Variants in NEGR1 observed in about 807,000 individuals in gnomAD.
The protein encoded by NEGR1 is IgLON family member 4.
In NEGR1, 10 loss-of-function variants were observed where a neutral mutation model predicts 40.9. The observed-to-expected ratio is 0.24, with a 90% CI of 0.15 to 0.42. The LOEUF (loss-of-function observed/expected upper bound fraction) is 0.42. Ranked by LOEUF, NEGR1 falls within the 10% of genes least tolerant of loss-of-function variation. The pLI, the probability that NEGR1 is intolerant of heterozygous loss-of-function variation, is 1.00. For synonymous variants in NEGR1, 185 were observed against 166.8 expected, an observed-to-expected ratio of 1.11 and a Z score of -0.84; for missense variants, 352 against 438.9, an observed-to-expected ratio of 0.80 and a Z score of 1.77.
intron 1 of NEGR1, among the ~76,000 whole-genome samples, chr1:72,063,626 AG>A (rs1231812011): frequency 6.6e-6 from 1 of 151,948 alleles, no homozygotes; most frequent in Non-Finnish European, 1.5e-5. Flanking sequence ...TTTTATTTCC[AG>A]TACACTGTGC....
intron 1 of NEGR1, among the ~76,000 whole-genome samples, chr1:72,196,906 C>A (rs1653021123): frequency 1.3e-5 from 2 of 151,704 alleles, no homozygotes; most frequent in Admixed American, 6.6e-5. Context: ...TTTTAATAAC[C>A]ATTTTCTAAT....
intron 6 of NEGR1, among the ~76,000 whole-genome samples, chr1:71,524,478 T>G (rs535218074): frequency 6.6e-6 from 1 of 151,830 alleles, no homozygotes; most frequent in South Asian, 2.1e-4. Flanking sequence ...ACATTTACTA[T>G]AAAAGTCAAT....
At chr1:72,277,449 A>G (rs1656095277) in intron 1 of NEGR1, among the ~76,000 whole-genome samples, 1 of 152,174 alleles carries the variant, frequency 6.6e-6, no homozygotes, top group Non-Finnish European at 1.5e-5. Context: ...GATCTATACA[A>G]CTACATGGGC....
At chr1:71,965,678 G>C (rs1034184985) in intron 1 of NEGR1, among the ~76,000 whole-genome samples, 2 of 152,062 alleles carry the variant, frequency 1.3e-5, no homozygotes, top group South Asian at 4.1e-4. Flanking sequence ...GAATGTAATT[G>C]TTCACTTGTG....
At chr1:71,786,120 A>G (rs1037234434) in intron 2 of NEGR1, among the ~76,000 whole-genome samples, 3 of 152,182 alleles carry the variant, frequency 2.0e-5, no homozygotes, top group Non-Finnish European at 2.9e-5. Context: ...CAAATACATA[A>G]ACATTAAGGA....
At chr1:72,172,820 C>T (rs977676529) in intron 1 of NEGR1, among the ~76,000 whole-genome samples, 6 of 152,032 alleles carry the variant, frequency 3.9e-5, no homozygotes, top group Admixed American at 3.3e-4. Flanking sequence ...TTATTTGGCT[C>T]ATGACCCTTC....
chr1:72,208,190 C>G (rs1196727072), intron 1 of NEGR1, among the ~76,000 whole-genome samples: 1 of 151,576 alleles, frequency 6.6e-6, no homozygotes, highest in African/African-American at 2.4e-5. Context: ...ATTGTGCCTG[C>G]ATGCATGTGT....
At chr1:71,800,964 T>G (rs1169117657) in intron 2 of NEGR1, among the ~76,000 whole-genome samples, 1 of 152,150 alleles carries the variant, frequency 6.6e-6, no homozygotes, top group African/African-American at 2.4e-5. Context: ...ATCATATAAT[T>G]TTCTCTTGAT....
At chr1:72,282,236 T>C (rs1460164341) in intron 1 of NEGR1, 83 bp downstream of exon 1, 1 of 1,453,382 alleles carries the variant, frequency 6.9e-7, no homozygotes, top group East Asian at 2.3e-5. Flanking sequence ...TTATTGCTTG[T>C]GTTATAAAGA....
chr1:71,708,573 C>T (rs1241941117), intron 3 of NEGR1, among the ~76,000 whole-genome samples: 2 of 151,318 alleles, frequency 1.3e-5, no homozygotes, highest in East Asian at 2.0e-4. Flanking sequence ...AACAAATTAC[C>T]TGACTTCAAA....
intron 6 of NEGR1, among the ~76,000 whole-genome samples, chr1:71,580,269 G>A (rs2101504153): frequency 6.7e-6 from 1 of 150,140 alleles, no homozygotes; most frequent in Non-Finnish European, 1.5e-5. Flanking sequence ...AGAACACATG[G>A]ACACAGGAAG....
intron 6 of NEGR1, chr1:71,570,898 T>C (rs1441605380): frequency 6.6e-6 from 1 of 152,208 alleles, no homozygotes; most frequent in East Asian, 1.9e-4. Context: ...TGTGATTTTA[T>C]ATTTTTCAAT....
chr1:71,935,399 GAAT>G, intron 1 of NEGR1, 88 bp from the exon 2 acceptor site: 1 of 859,918 alleles, frequency 1.2e-6, no homozygotes. Flanking sequence ...TTCTTTTGCT[GAAT>G]AATAGCACAG....
At chr1:72,102,996 C>T (rs1003673810) in intron 1 of NEGR1, among the ~76,000 whole-genome samples, 2 of 152,014 alleles carry the variant, frequency 1.3e-5, no homozygotes, top group African/African-American at 4.8e-5. Flanking sequence ...TCATAAGCAA[C>T]CACCCTTATG....
intron 3 of NEGR1, among the ~76,000 whole-genome samples, chr1:71,756,791 T>C (rs1655757774): frequency 6.6e-6 from 1 of 151,666 alleles, no homozygotes; most frequent in Admixed American, 6.6e-5. Context: ...TCAGCACTGT[T>C]CAGAAACAAT....
intron 6 of NEGR1, among the ~76,000 whole-genome samples, chr1:71,563,126 T>A (rs1648513173): frequency 6.6e-6 from 1 of 151,994 alleles, no homozygotes; most frequent in African/African-American, 2.4e-5. Flanking sequence ...GTGGCATATA[T>A]TTGTTTGCTT....
chr1:71,759,838 G>A (rs540305047), intron 3 of NEGR1, among the ~76,000 whole-genome samples: 5 of 151,090 alleles, frequency 3.3e-5, no homozygotes, highest in African/African-American at 1.2e-4. Flanking sequence ...TTGAACTCCT[G>A]GCCTCAATGA....
At chr1:72,114,003 T>G (rs1479905712) in intron 1 of NEGR1, among the ~76,000 whole-genome samples, 1 of 151,776 alleles carries the variant, frequency 6.6e-6, no homozygotes, top group East Asian at 1.9e-4. Context: ...TATCATCTAC[T>G]AATCATAAAA....
chr1:71,929,616 T>G (rs1645835630), intron 2 of NEGR1, among the ~76,000 whole-genome samples: 2 of 152,206 alleles, frequency 1.3e-5, no homozygotes, highest in Admixed American at 6.5e-5. Context: ...GGCGATAATT[T>G]TTCTTTGGTT....
Sources: allele counts gnomAD v4.1 joint callset (sites outside exome capture counted in the v4.1 genomes callset), GRCh38; gene constraint gnomAD v4.1.1; transcripts MANE v1.5; gene names NCBI Gene and HGNC (gene_info 2026-07-23, HGNC 2026-07-21).